EIF3L: variants seen among roughly 807,000 people sequenced by gnomAD.
The protein encoded by EIF3L is eIEF associated protein HSPC021.
A neutral mutation model predicts 74.6 loss-of-function variants in EIF3L; 32 were observed. The ratio of observed to expected loss-of-function variants is 0.43; its 90% CI spans 0.32 to 0.58. EIF3L has a LOEUF of 0.58. EIF3L is among the 20% of genes least tolerant of loss of function. The pLI, the probability that EIF3L is intolerant of heterozygous loss-of-function variation, is 0.06. For missense variants in EIF3L, 474 were observed against 707.8 expected, an observed-to-expected ratio of 0.67 and a Z score of 3.75; for synonymous variants, 256 against 254.4, an observed-to-expected ratio of 1.01 and a Z score of -0.06.
At chr22:37,868,316 G>C (rs908363566) in intron 7 of EIF3L, among the ~76,000 whole-genome samples, 1 of 150,600 alleles carries the variant, frequency 6.6e-6, no homozygotes, top group Non-Finnish European at 1.5e-5. Flanking sequence ...GTAGAGACGG[G>C]GTTTCACCAT....
intron 3 of EIF3L, among the ~76,000 whole-genome samples, chr22:37,855,236 G>A (rs1267377477): frequency 1.3e-5 from 2 of 152,194 alleles, no homozygotes; most frequent in Non-Finnish European, 2.9e-5. Context: ...TGGAAACGCT[G>A]TGTTAAAGAA....
At chr22:37,887,029 A>G (rs574122089) in intron 12 of EIF3L, 184 bp downstream of exon 12, 13 of 442,930 alleles carry the variant, frequency 2.9e-5, no homozygotes, top group African/African-American at 2.0e-4. Flanking sequence ...CCTGGGTTCA[A>G]GCGAGTCTCC....
chr22:37,864,818 T>G (rs1770480382), intron 7 of EIF3L, among the ~76,000 whole-genome samples: 1 of 152,076 alleles, frequency 6.6e-6, no homozygotes, highest in Non-Finnish European at 1.5e-5. Flanking sequence ...GGATTACAGG[T>G]GTGAGCCACC....
At chr22:37,862,588 C>G (rs546498370) in intron 5 of EIF3L, among the ~76,000 whole-genome samples, 1 of 152,316 alleles carries the variant, frequency 6.6e-6, no homozygotes, top group Admixed American at 6.5e-5. Flanking sequence ...CATTCCTGGC[C>G]CGTAGTCTAG....
chr22:37,862,743 G>A (rs1008880809), intron 5 of EIF3L, among the ~76,000 whole-genome samples: 6 of 152,096 alleles, frequency 3.9e-5, no homozygotes, highest in Non-Finnish European at 5.9e-5. Context: ...TGCTCTGAGG[G>A]TCATTTAAGG....
chr22:37,869,413 G>A (rs1569117870), intron 7 of EIF3L, among the ~76,000 whole-genome samples: 1 of 152,174 alleles, frequency 6.6e-6, no homozygotes, highest in Non-Finnish European at 1.5e-5. Context: ...TTACAGGGGT[G>A]AGCCTCTGAT....
chr22:37,851,395 G>T lies in EIF3L; in HGVS notation c.198G>T (p.Leu66Phe). Residue 66 changes from leucine to phenylalanine, a missense_variant, in exon 3 of 13, where the codon TTG becomes TTT. By Grantham distance (22) the Leu-to-Phe change is conservative. Coordinates refer to ENST00000652021, the MANE Select transcript of EIF3L (RefSeq NM_016091.4). ...IQYFHKTVSD[L>F]IDQKVYELQA... The stretch of plus-strand genomic sequence containing the variant: ...ATTTCCACAAAACTGTCTCAGATTT[G>T]ATTGACCAGAAAGTGTATGAGCTAC... The T allele has an allele frequency of 4.3e-6, 7 of 1,614,134 alleles. No homozygotes were observed. Among genetic ancestry groups the T allele is most frequent in the South Asian group, 1.1e-5 (1 of 91,070 alleles).
intron 5 of EIF3L, 132 bp from the exon 6 acceptor site, chr22:37,862,837 A>G (rs1325028923): frequency 4.6e-6 from 3 of 656,072 alleles, no homozygotes; most frequent in Non-Finnish European, 2.6e-6. Context: ...TCTCACTTGC[A>G]TATTTACATA....
rs1256463707 is a variant in EIF3L, at chr22:37,850,019, C to T, written c.38C>T (p.Ala13Val). The T allele has an allele frequency of 6.2e-7, 1 of 1,613,652 alleles. No homozygotes were observed. Among genetic ancestry groups the T allele is most frequent in the Non-Finnish European group, 8.5e-7 (1 of 1,179,842 alleles). The change falls in exon 2 of 13, where the codon GCT becomes GTT. Residue 13 changes from alanine to valine, a missense_variant. Physicochemically the swap from Ala to Val is moderately conservative, Grantham distance 64. Transcript: ENST00000652021. ...YPADDYESEAAYDPYAYPSDY... is the reference protein window; with the variant it reads ...YPADDYESEAVYDPYAYPSDY... ...ACTGTGTCTCTTTCCTTCTAGGCGG[C>T]TTATGACCCCTACGCTTATCCCAGC...
intron 8 of EIF3L, among the ~76,000 whole-genome samples, chr22:37,871,736 G>T (rs1167021916): frequency 6.6e-6 from 1 of 151,962 alleles, no homozygotes; most frequent in African/African-American, 2.4e-5. Flanking sequence ...GGGCCTGGTG[G>T]TGGGCACCTG....
intron 3 of EIF3L, among the ~76,000 whole-genome samples, chr22:37,854,945 C>T (rs896652491): frequency 6.6e-6 from 1 of 152,048 alleles, no homozygotes; most frequent in African/African-American, 2.4e-5. Flanking sequence ...CTGGCCTGTT[C>T]AGTGTTTTTT....
intron 3 of EIF3L, among the ~76,000 whole-genome samples, chr22:37,851,995 G>T (rs898481139): frequency 6.6e-6 from 1 of 151,320 alleles, no homozygotes; most frequent in African/African-American, 2.4e-5. Flanking sequence ...GTAGAGACGG[G>T]GTTTCATCAT....
At chr22:37,861,143 A>G (rs2145810132) in intron 5 of EIF3L, among the ~76,000 whole-genome samples, 1 of 152,232 alleles carries the variant, frequency 6.6e-6, no homozygotes, top group Middle Eastern at 3.4e-3. Flanking sequence ...TTAATTGAGC[A>G]TGTGTGTGCT....
At chr22:37,858,486 A>C (rs1925663277) in intron 4 of EIF3L, 193 bp from the exon 5 acceptor site, 1 of 639,128 alleles carries the variant, frequency 1.6e-6, no homozygotes, top group Non-Finnish European at 2.8e-6. Context: ...AATCTCATCG[A>C]CAGAGATTGA....
chr22:37,867,005 A>G (rs1164540423), intron 7 of EIF3L, among the ~76,000 whole-genome samples: 1 of 152,202 alleles, frequency 6.6e-6, no homozygotes, highest in Non-Finnish European at 1.5e-5. Flanking sequence ...TTGTGTTACT[A>G]CCAGCGGTGT....
At chr22:37,857,017 A>G (rs1363162551) in intron 4 of EIF3L, among the ~76,000 whole-genome samples, 1 of 151,480 alleles carries the variant, frequency 6.6e-6, no homozygotes. Context: ...TTTGAGAGGA[A>G]TTGCCTAGAA....
chr22:37,885,491 A>G (rs1241226899), intron 11 of EIF3L: 1 of 152,010 alleles, frequency 6.6e-6, no homozygotes, highest in African/African-American at 2.4e-5. Flanking sequence ...CTTGAAAGAA[A>G]TCCTATCAGA....
chr22:37,853,379 A>T (rs1287606492), intron 3 of EIF3L, among the ~76,000 whole-genome samples: 1 of 152,234 alleles, frequency 6.6e-6, no homozygotes. Context: ...GGACAGTTGG[A>T]AGAGGGCCAG....
At chr22:37,868,856 G>A (rs1261856723) in intron 7 of EIF3L, among the ~76,000 whole-genome samples, 1 of 151,556 alleles carries the variant, frequency 6.6e-6, no homozygotes, top group East Asian at 1.9e-4. Context: ...TGGTCAGGCT[G>A]GTGTCAAACT....
Sources: allele counts gnomAD v4.1 joint callset (sites outside exome capture counted in the v4.1 genomes callset), GRCh38; gene constraint gnomAD v4.1.1; transcripts MANE v1.5; gene names NCBI Gene and HGNC (gene_info 2026-07-23, HGNC 2026-07-21).